Variants in NBAS observed in about 807,000 individuals in gnomAD.
The protein encoded by NBAS is NAG/BC035112 fusion.
In NBAS, 219 loss-of-function variants were observed where a neutral mutation model predicts 302.5. That is an observed-to-expected ratio of 0.72 (90% confidence interval 0.65 to 0.81). The LOEUF is 0.81. Ranked by LOEUF, NBAS falls within the 30% of genes least tolerant of loss-of-function variation. NBAS has a pLI of 0.00. For missense variants in NBAS, 2,932 were observed against 2,841.6 expected (o/e 1.03, Z -0.72); for synonymous variants, 1,118 against 1,021.6 (o/e 1.09, Z -1.80).
chr2:15,282,569 T>C (rs1034779722), intron 42 of NBAS, among the ~76,000 whole-genome samples: 4 of 152,124 alleles, frequency 2.6e-5, no homozygotes, highest in Non-Finnish European at 4.4e-5. Flanking sequence ...ACCCTCCCCA[T>C]GTGTCTAAAG....
chr2:15,538,118 A>C (rs1663609347), intron 7 of NBAS, among the ~76,000 whole-genome samples: 1 of 152,246 alleles, frequency 6.6e-6, no homozygotes, highest in African/African-American at 2.4e-5. Flanking sequence ...ATATTGGATG[A>C]TATAAAATAC....
the NBAS span, among the ~76,000 whole-genome samples, chr2:14,827,857 G>C: frequency 8.3e-4 from 127 of 152,298 alleles, 1 homozygote; most frequent in African/African-American, 2.9e-3. Context: ...AGATGAGTAA[G>C]TTCCAAAGAC....
In NBAS at chr2:15,475,730, G is replaced by C. The variant is rs758683419; in HGVS notation, c.1298C>G (p.Pro433Arg). Residue 433 changes from proline to arginine, a missense_variant, in exon 14 of 52, where the codon CCT becomes CGT. Transcript: ENST00000281513. ...GKSCEWFEPS[P>R]QVTATHDGGF... Reference sequence around the variant, plus strand: ...CCCATCATGGGTAGCAGTGACTTGAGGTGATGGTTCAAACCATTCACAGGA... The same window carrying C: ...CCCATCATGGGTAGCAGTGACTTGACGTGATGGTTCAAACCATTCACAGGA... 2 of 1,614,096 alleles carry C rather than the reference G, an allele frequency of 1.2e-6. No homozygotes were observed. The highest frequency in any genetic ancestry group is 2.2e-5 in the South Asian group (2 of 91,092).
At chr2:15,392,426 T>C (rs959443830) in intron 28 of NBAS, among the ~76,000 whole-genome samples, 5 of 151,678 alleles carry the variant, frequency 3.3e-5, no homozygotes, top group Non-Finnish European at 7.4e-5. Flanking sequence ...CCAGAAAAGG[T>C]AGAGGACATA....
At chr2:15,345,121 C>T (rs1488987560) in intron 35 of NBAS, among the ~76,000 whole-genome samples, 2 of 152,162 alleles carry the variant, frequency 1.3e-5, no homozygotes, top group African/African-American at 2.4e-5. Flanking sequence ...CCTCTCTCAC[C>T]GCTCCTATTC....
rs752508007 is a variant in NBAS, at chr2:15,234,556, A to C, written c.6135T>G (p.Ile2045Met). The change falls in exon 46 of 52, where the codon ATT (isoleucine) becomes ATG (methionine). Residue 2045 changes from isoleucine (I) to methionine (M), a missense_variant. Physicochemically the swap from Ile to Met is conservative, Grantham distance 10. Transcript: ENST00000281513. ...ACTTTCTAGCTTACCTCAATGCAGA[A>C]ATTATTTTCATGATTGCACTCTGCA... ...DIVQSAIMKIISALSGGSADL... is the reference protein window; with the variant it reads ...DIVQSAIMKIMSALSGGSADL... 6.2e-7 allele frequency: 1 copy of C among 1,613,774 alleles called. No homozygotes were observed. Among genetic ancestry groups the C allele is most frequent in the Non-Finnish European group, 8.5e-7 (1 of 1,179,962 alleles).
the NBAS span, among the ~76,000 whole-genome samples, chr2:14,911,887 G>C: frequency 6.6e-6 from 1 of 152,136 alleles, no homozygotes. Flanking sequence ...TTGTTATAAG[G>C]GTTAAATTAG....
chr2:15,073,079 G>A, the NBAS span, among the ~76,000 whole-genome samples: 39 of 152,224 alleles, frequency 2.6e-4, no homozygotes, highest in African/African-American at 7.5e-4. Flanking sequence ...AGCTGAGATC[G>A]CACTGCTGCA....
the NBAS span, among the ~76,000 whole-genome samples, chr2:14,833,807 A>T: frequency 6.6e-6 from 1 of 152,094 alleles, no homozygotes; most frequent in Non-Finnish European, 1.5e-5. Context: ...CTGAAACAGT[A>T]TTTACAAGAT....
chr2:15,170,340 G>C (rs11890160), intron 51 of NBAS, among the ~76,000 whole-genome samples: 2 of 152,054 alleles, frequency 1.3e-5, no homozygotes, highest in Non-Finnish European at 2.9e-5. Context: ...CAAGGGGTGG[G>C]GAAGGGCAGG....
intron 51 of NBAS, among the ~76,000 whole-genome samples, chr2:15,173,382 T>C (rs763190455): frequency 4.6e-4 from 70 of 152,326 alleles, no homozygotes; most frequent in Non-Finnish European, 7.9e-4. Context: ...AGAAGCATAA[T>C]GCATGCAGCC....
intron 44 of NBAS, among the ~76,000 whole-genome samples, chr2:15,250,502 A>G (rs963882210): frequency 4.6e-5 from 7 of 152,258 alleles, no homozygotes; most frequent in African/African-American, 1.7e-4. Flanking sequence ...ACAGCAAAAG[A>G]AACTATCATC....
chr2:15,095,457 C>T, the NBAS span, among the ~76,000 whole-genome samples: 1 of 152,160 alleles, frequency 6.6e-6, no homozygotes, highest in African/African-American at 2.4e-5. Flanking sequence ...TTCACTACCA[C>T]GAGAACAGTA....
In NBAS at chr2:15,379,817, G is replaced by A; in HGVS notation, c.3375C>T (p.Ser1125=). Residue 1125 remains serine, a synonymous_variant, in exon 30 of 52, where the codon AGC becomes AGT. Coordinates refer to ENST00000281513, the MANE Select transcript of NBAS (RefSeq NM_015909.4). ...TTTCAAGGCGACTAGAGCACAGAAG[G>A]CTTTCTGTAAATATCTGGAAAAAAG... ...SDACYEIFTE[S]LLCSSRLENI... is the part of the protein sequence containing the mutation. 6.2e-7 allele frequency: 1 copy of A among 1,613,904 alleles called. No homozygotes were observed. The highest frequency in any genetic ancestry group is 8.5e-7 in the Non-Finnish European group (1 of 1,179,864).
intron 44 of NBAS, among the ~76,000 whole-genome samples, chr2:15,240,141 C>A (rs571477364): frequency 3.3e-5 from 5 of 152,146 alleles, no homozygotes; most frequent in Admixed American, 2.6e-4. Flanking sequence ...GATAAAGACT[C>A]CTACGACAGA....
the NBAS span, among the ~76,000 whole-genome samples, chr2:14,837,649 T>G: frequency 3.3e-5 from 5 of 151,846 alleles, no homozygotes; most frequent in East Asian, 7.7e-4. Context: ...GGAAATTTCA[T>G]TAGAATACTT....
At chr2:15,154,458 C>A in the NBAS span, among the ~76,000 whole-genome samples, 1 of 152,162 alleles carries the variant, frequency 6.6e-6, no homozygotes, top group Non-Finnish European at 1.5e-5. Flanking sequence ...AGCTCCATTG[C>A]CTCATTGTTC....
At chr2:15,405,751 A>G (rs781092525) in intron 25 of NBAS, among the ~76,000 whole-genome samples, 2 of 152,222 alleles carry the variant, frequency 1.3e-5, no homozygotes, top group African/African-American at 2.4e-5. Context: ...AGAATACAAA[A>G]CTAACATATA....
intron 25 of NBAS, among the ~76,000 whole-genome samples, chr2:15,409,697 A>G (rs562007398): frequency 6.6e-6 from 1 of 152,104 alleles, no homozygotes; most frequent in Admixed American, 6.5e-5. Context: ...CTAAATATTT[A>G]AAATATTCAT....
Sources: gnomAD v4.1 joint callset for allele counts (sites outside exome capture counted in the v4.1 genomes callset) on GRCh38, gnomAD v4.1.1 for gene constraint, MANE v1.5 for transcripts, NCBI Gene and HGNC (gene_info 2026-07-23, HGNC 2026-07-21) for gene names.